Variants in EPHA6 observed in about 807,000 individuals in gnomAD.
EPHA6 encodes the protein ephrin type-A receptor 6.
Under a neutral mutation model 112.0 loss-of-function variants are expected in EPHA6, and 50 were observed. That is an observed-to-expected ratio of 0.45 (90% CI 0.36 to 0.56). The LOEUF is 0.56. EPHA6 is among the 20% of genes least tolerant of loss of function. The pLI is 0.00. For missense variants in EPHA6, 1,280 were observed against 1,417.4 expected, an observed-to-expected ratio of 0.90 and a Z score of 1.56; for synonymous variants, 529 against 490.7, an observed-to-expected ratio of 1.08 and a Z score of -1.03.
intron 6 of EPHA6, among the ~76,000 whole-genome samples, chr3:97,445,609 A>G (rs1027956171): frequency 1.3e-5 from 2 of 152,118 alleles, no homozygotes; most frequent in African/African-American, 4.8e-5. Context: ...TGAGTTAAGC[A>G]TGAAGCATAA....
chr3:97,310,494 A>G (rs995565985), intron 5 of EPHA6, among the ~76,000 whole-genome samples: 3 of 151,518 alleles, frequency 2.0e-5, no homozygotes, highest in African/African-American at 7.3e-5. Context: ...TGAGAACAAC[A>G]TGTATGATTT....
At chr3:96,958,823 G>C (rs892895025) in intron 2 of EPHA6, among the ~76,000 whole-genome samples, 5 of 152,128 alleles carry the variant, frequency 3.3e-5, no homozygotes, top group Admixed American at 6.6e-5. Flanking sequence ...TCATGTTATT[G>C]AGTGATTCTT....
intron 10 of EPHA6, among the ~76,000 whole-genome samples, chr3:97,485,471 C>T (rs11925318): frequency 0.068 from 10,356 of 152,172 alleles, 1,093 homozygotes; most frequent in African/African-American, 0.23. Flanking sequence ...ATTCCAGGCA[C>T]ATTTGCAGAG....
intron 11 of EPHA6, among the ~76,000 whole-genome samples, chr3:97,564,993 G>C (rs148806698): frequency 1.3e-5 from 2 of 152,024 alleles, no homozygotes; most frequent in Admixed American, 1.3e-4. Context: ...AGTAACTCTC[G>C]CCAGCACAGA....
chr3:97,685,199 T>C (rs2107691393), intron 14 of EPHA6, among the ~76,000 whole-genome samples: 1 of 152,346 alleles, frequency 6.6e-6, no homozygotes, highest in South Asian at 2.1e-4. Flanking sequence ...CTAACAATTT[T>C]GTTATAGAAA....
At chr3:97,705,933 T>C (rs1028412255) in intron 14 of EPHA6, among the ~76,000 whole-genome samples, 1 of 152,148 alleles carries the variant, frequency 6.6e-6, no homozygotes, top group Non-Finnish European at 1.5e-5. Context: ...TCCAGTGATG[T>C]CCTCCAAGAG....
intron 2 of EPHA6, among the ~76,000 whole-genome samples, chr3:96,987,009 A>G (rs2043046938): frequency 6.6e-6 from 1 of 152,182 alleles, no homozygotes; most frequent in South Asian, 2.1e-4. Flanking sequence ...CTGTACATGT[A>G]TTTATCTAAT....
At chr3:97,687,235 C>T (rs1014648520) in intron 14 of EPHA6, among the ~76,000 whole-genome samples, 1 of 151,850 alleles carries the variant, frequency 6.6e-6, no homozygotes, top group African/African-American at 2.4e-5. Flanking sequence ...TTTAGTCTGC[C>T]GTAGATCCTT....
At chr3:96,984,768 C>A (rs1038506628) in intron 2 of EPHA6, among the ~76,000 whole-genome samples, 1 of 152,224 alleles carries the variant, frequency 6.6e-6, no homozygotes, top group African/African-American at 2.4e-5. Context: ...GTCCCTCCCC[C>A]AGCCCTGCTG....
chr3:97,650,396 A>G (rs2107606136), intron 14 of EPHA6, among the ~76,000 whole-genome samples: 1 of 152,252 alleles, frequency 6.6e-6, no homozygotes, highest in Admixed American at 6.5e-5. Flanking sequence ...CTGCATAAAG[A>G]ATTATTTCCT....
intron 12 of EPHA6, among the ~76,000 whole-genome samples, chr3:97,604,231 AG>A (rs2093663713): frequency 6.6e-6 from 1 of 151,798 alleles, no homozygotes; most frequent in Admixed American, 6.6e-5. Context: ...GAGTTAAAAA[AG>A]GTTACTTGTC....
intron 11 of EPHA6, among the ~76,000 whole-genome samples, chr3:97,578,755 T>A (rs941847539): frequency 1.1e-4 from 17 of 152,338 alleles, no homozygotes; most frequent in South Asian, 1.0e-3. Flanking sequence ...CTTACTTTTT[T>A]AACTAGATAT....
intron 7 of EPHA6, among the ~76,000 whole-genome samples, chr3:97,464,787 G>A (rs1354027505): frequency 6.6e-6 from 1 of 152,094 alleles, no homozygotes; most frequent in East Asian, 1.9e-4. Context: ...TCCTGGATAA[G>A]CTATAGAAAA....
At chr3:97,474,733 T>G (rs2091321532) in intron 7 of EPHA6, among the ~76,000 whole-genome samples, 1 of 152,032 alleles carries the variant, frequency 6.6e-6, no homozygotes, top group Non-Finnish European at 1.5e-5. Context: ...AAGGAACATG[T>G]TGCTACCATA....
chr3:97,284,781 C>G (rs376456759), intron 5 of EPHA6, among the ~76,000 whole-genome samples: 1 of 152,104 alleles, frequency 6.6e-6, no homozygotes, highest in Admixed American at 6.5e-5. Context: ...CCATTTGATT[C>G]TCCTCCCAAT....
Position 97,489,220 on chromosome 3 carries a change from CT to C in EPHA6, c.2200+5164del, listed in dbSNP as rs1220248014. ...CACTTATTGCCCAACCCTCAATATACTTTGTGATATGAATATCTGCCCATGC... is the reference window on the plus strand; with the variant it reads ...CACTTATTGCCCAACCCTCAATATACTTGTGATATGAATATCTGCCCATGC... On this transcript the variant is annotated intron_variant, in intron 10 of 17. Transcript: ENST00000389672. 3.3e-5 allele frequency among the ~76,000 whole-genome samples: 5 copies of C among 152,224 alleles called. No individual in the cohort carries two copies. In the East Asian group the frequency reaches 7.7e-4, roughly 23 times the overall value.
intron 2 of EPHA6, among the ~76,000 whole-genome samples, chr3:96,943,788 GT>G (rs1394344466): frequency 6.6e-6 from 1 of 152,156 alleles, no homozygotes; most frequent in East Asian, 1.9e-4. Context: ...AGCCTGGGAG[GT>G]TGAGGATGCA....
intron 10 of EPHA6, among the ~76,000 whole-genome samples, chr3:97,495,909 C>T (rs1482702060): frequency 6.6e-6 from 1 of 152,080 alleles, no homozygotes; most frequent in African/African-American, 2.4e-5. Context: ...CAGTTATGGC[C>T]GTACTTTTTC....
intron 3 of EPHA6, among the ~76,000 whole-genome samples, chr3:97,113,304 G>A (rs2047778142): frequency 6.6e-6 from 1 of 152,092 alleles, no homozygotes; most frequent in African/African-American, 2.4e-5. Context: ...TAACATCTGT[G>A]AGGGAGTAAA....
Sources: gnomAD v4.1 joint callset for allele counts (sites outside exome capture counted in the v4.1 genomes callset) on GRCh38, gnomAD v4.1.1 for gene constraint, MANE v1.5 for transcripts, NCBI Gene and HGNC (gene_info 2026-07-23, HGNC 2026-07-21) for gene names.